TBC1D1: variants seen among roughly 807,000 people sequenced by gnomAD.
The protein encoded by TBC1D1 is TBC1 domain family member 1.
TBC1D1 carries 89 observed loss-of-function variants against 125.6 expected under a neutral mutation model. The observed-to-expected ratio is 0.71, with a 90% CI of 0.60 to 0.85. The LOEUF (loss-of-function observed/expected upper bound fraction) is 0.85. Ranked by LOEUF, TBC1D1 falls within the 40% of genes least tolerant of loss-of-function variation. The pLI, the probability that TBC1D1 is intolerant of heterozygous loss-of-function variation, is 0.00. For missense variants in TBC1D1, 1,377 were observed against 1,469.2 expected (o/e 0.94, Z 1.03); for synonymous variants, 565 against 564.1 (o/e 1.00, Z -0.02).
At chr4:38,126,761 G>A (rs1322005598) in intron 18 of TBC1D1, among the ~76,000 whole-genome samples, 1 of 152,086 alleles carries the variant, frequency 6.6e-6, no homozygotes, top group Non-Finnish European at 1.5e-5. Flanking sequence ...ACTCCTGAGA[G>A]GATATAAAGT....
chr4:38,086,615 A>G (rs1401875724), intron 12 of TBC1D1, among the ~76,000 whole-genome samples: 2 of 152,196 alleles, frequency 1.3e-5, no homozygotes, highest in Non-Finnish European at 2.9e-5. Context: ...AGCTCCTGCC[A>G]TGTGTTGAGG....
Position 38,069,833 on chromosome 4 carries a change from C to T in TBC1D1, c.2050+15495C>T, listed in dbSNP as rs888565516. Among the ~76,000 whole-genome samples, 4 of 151,892 alleles carry T rather than the reference C, an allele frequency of 2.6e-5. No individual in the cohort carries two copies. In the East Asian group the frequency reaches 7.9e-4, roughly 30 times the overall value. ...CCCTGGGCCAAGCTTGTCCAACCCGCGGCCTGCTTTCTTTCATTTTTTCTG... is the reference window on the plus strand; with the variant it reads ...CCCTGGGCCAAGCTTGTCCAACCCGTGGCCTGCTTTCTTTCATTTTTTCTG... On this transcript the variant is annotated intron_variant, in intron 12 of 19. Coordinates refer to ENST00000261439, the MANE Select transcript of TBC1D1 (RefSeq NM_015173.4).
chr4:37,961,860 C>T (rs572597627), intron 2 of TBC1D1, among the ~76,000 whole-genome samples: 3 of 152,266 alleles, frequency 2.0e-5, no homozygotes, highest in African/African-American at 7.2e-5. Flanking sequence ...CAGAACTGAC[C>T]TCCAAAAAAG....
intron 2 of TBC1D1, among the ~76,000 whole-genome samples, chr4:37,965,889 T>C (rs553654264): frequency 2.0e-5 from 3 of 152,194 alleles, no homozygotes; most frequent in African/African-American, 7.2e-5. Context: ...TAGCTGGTAT[T>C]ACAGGTGCCA....
At chr4:38,034,942 G>T (rs1306685420) in intron 7 of TBC1D1, among the ~76,000 whole-genome samples, 1 of 152,176 alleles carries the variant, frequency 6.6e-6, no homozygotes, top group Non-Finnish European at 1.5e-5. Flanking sequence ...CAGCAGACAG[G>T]GAAGCTAGAA....
intron 12 of TBC1D1, among the ~76,000 whole-genome samples, chr4:38,081,054 C>T (rs892062450): frequency 2.6e-5 from 4 of 152,128 alleles, no homozygotes; most frequent in Non-Finnish European, 5.9e-5. Context: ...TCCCTTGGGT[C>T]GAGAGTTGCG....
At chr4:38,110,523 T>C (rs992526551) in intron 15 of TBC1D1, 1 of 985,448 alleles carries the variant, frequency 1.0e-6, no homozygotes. Flanking sequence ...CTAGGTCATT[T>C]AGAAATATGT....
chr4:37,924,446 CTG>C (rs1721657716), intron 2 of TBC1D1, among the ~76,000 whole-genome samples: 1 of 152,232 alleles, frequency 6.6e-6, no homozygotes. Flanking sequence ...AGTATATTCA[CTG>C]TGTTATGCCA....
chr4:37,958,516 T>C (rs1729343770), intron 2 of TBC1D1, among the ~76,000 whole-genome samples: 2 of 152,208 alleles, frequency 1.3e-5, no homozygotes. Context: ...ATTCCGTCTC[T>C]CCTAGCTCCT....
At chr4:37,921,630 C>G (rs937653277) in intron 2 of TBC1D1, among the ~76,000 whole-genome samples, 1 of 151,472 alleles carries the variant, frequency 6.6e-6, no homozygotes, top group Non-Finnish European at 1.5e-5. Context: ...CCAGAATGGT[C>G]TCGATCTCTT....
At chr4:38,115,584 CTGAT>C in intron 15 of TBC1D1, 122 bp from the exon 18 acceptor site, 1 of 976,240 alleles carries the variant, frequency 1.0e-6, no homozygotes, top group Non-Finnish European at 1.5e-6. Flanking sequence ...GTGGCAAAGA[CTGAT>C]TGATATTATG....
chr4:38,048,947 T>C (rs1349064673), intron 10 of TBC1D1, among the ~76,000 whole-genome samples: 5 of 152,346 alleles, frequency 3.3e-5, no homozygotes, highest in African/African-American at 1.2e-4. Context: ...CAATAACTTA[T>C]GTTTGTGTAA....
chr4:37,971,620 A>G (rs1460506721), intron 2 of TBC1D1, among the ~76,000 whole-genome samples: 2 of 152,186 alleles, frequency 1.3e-5, no homozygotes, highest in African/African-American at 4.8e-5. Flanking sequence ...ATCAGATACT[A>G]TCGTGTTTAG....
chr4:37,934,893 G>T (rs544243486), intron 2 of TBC1D1, among the ~76,000 whole-genome samples: 1 of 152,292 alleles, frequency 6.6e-6, no homozygotes, highest in East Asian at 1.9e-4. Flanking sequence ...TTCACTGTGA[G>T]TTGGCTACAG....
chr4:37,996,133 A>G, intron 2 of TBC1D1: 1 of 475,952 alleles, frequency 2.1e-6, no homozygotes, highest in Non-Finnish European at 4.2e-6. Flanking sequence ...GGCTTCTTGG[A>G]AAAGCTCTTG....
chr4:38,132,372 G>T (rs940188134), intron 18 of TBC1D1, among the ~76,000 whole-genome samples: 9 of 152,158 alleles, frequency 5.9e-5, no homozygotes, highest in African/African-American at 1.7e-4. Context: ...TCTGCTTTCC[G>T]CCCTGCCTTC....
chr4:37,909,416 C>A (rs371906217), intron 2 of TBC1D1, among the ~76,000 whole-genome samples: 7 of 152,072 alleles, frequency 4.6e-5, no homozygotes, highest in Non-Finnish European at 8.8e-5. Flanking sequence ...AATAATTCAC[C>A]GTCTGCTTGG....
chr4:37,921,024 G>A (rs966189261), intron 2 of TBC1D1, among the ~76,000 whole-genome samples: 7 of 150,856 alleles, frequency 4.6e-5, no homozygotes, highest in Non-Finnish European at 8.8e-5. Flanking sequence ...GCGGGAGAAT[G>A]GCGCGAACCC....
intron 2 of TBC1D1, among the ~76,000 whole-genome samples, chr4:37,984,246 G>T (rs937456890): frequency 6.6e-6 from 1 of 152,116 alleles, no homozygotes; most frequent in African/African-American, 2.4e-5. Context: ...TTTTTGTGTG[G>T]ATATGAGTTT....
Sources: gnomAD v4.1 joint callset for allele counts (sites outside exome capture counted in the v4.1 genomes callset) on GRCh38, gnomAD v4.1.1 for gene constraint, MANE v1.5 for transcripts, NCBI Gene and HGNC (gene_info 2026-07-23, HGNC 2026-07-21) for gene names.